RBM19: variants seen among roughly 807,000 people sequenced by gnomAD.
The protein encoded by RBM19 is RNA binding motif protein 19.
RBM19 carries 94 observed loss-of-function variants against 116.8 expected under a neutral mutation model. The ratio of observed to expected loss-of-function variants is 0.80; its 90% CI spans 0.68 to 0.95. RBM19 has a LOEUF of 0.95. Among genes scored for constraint, RBM19 ranks in the 40% least tolerant of loss-of-function variants. RBM19 has a pLI of 0.00. For missense variants in RBM19, 1,161 were observed against 1,220.7 expected (o/e 0.95, Z 0.73); for synonymous variants, 475 against 494.1 (o/e 0.96, Z 0.51).
intron 21 of RBM19, among the ~76,000 whole-genome samples, chr12:113,879,431 T>TTATATATATATATATATATATATATATA (rs5801011): frequency 1.4e-4 from 19 of 132,650 alleles, no homozygotes; most frequent in East Asian, 7.4e-4. Context: ...TACATACATT[T>TTATATATATATATATATATATATATATA]TATATATATA....
downstream of RBM19, among the ~76,000 whole-genome samples, chr12:113,821,222 TG>T: frequency 6.6e-6 from 1 of 152,180 alleles, no homozygotes; most frequent in East Asian, 1.9e-4. Context: ...AATCCTGCTC[TG>T]GGGGGAGGTT....
chr12:113,859,283 T>C (rs1161751276), intron 21 of RBM19, among the ~76,000 whole-genome samples: 1 of 152,232 alleles, frequency 6.6e-6, no homozygotes, highest in East Asian at 1.9e-4. Context: ...GCTGCCCATG[T>C]GTGCTAGTAG....
chr12:113,940,942 A>C (rs1306723438), intron 14 of RBM19, among the ~76,000 whole-genome samples: 1 of 152,238 alleles, frequency 6.6e-6, no homozygotes, highest in Non-Finnish European at 1.5e-5. Flanking sequence ...TAAATGGGTT[A>C]GTAAAAGTAC....
At chr12:113,947,939 C>T (rs1216580108) in intron 10 of RBM19, among the ~76,000 whole-genome samples, 1 of 152,212 alleles carries the variant, frequency 6.6e-6, no homozygotes, top group Non-Finnish European at 1.5e-5. Flanking sequence ...AATATATCGA[C>T]AAATGCTTCT....
intron 23 of RBM19, among the ~76,000 whole-genome samples, chr12:113,836,436 G>A (rs1347770059): frequency 2.0e-5 from 3 of 152,242 alleles, no homozygotes; most frequent in Non-Finnish European, 4.4e-5. Flanking sequence ...AACTTGCAAG[G>A]AAAAATATAA....
At chr12:113,907,414 A>G (rs1191059556) in intron 21 of RBM19, among the ~76,000 whole-genome samples, 1 of 152,166 alleles carries the variant, frequency 6.6e-6, no homozygotes, top group Non-Finnish European at 1.5e-5. Context: ...TGCCAGGGGA[A>G]TAAATCTGCA....
intron 21 of RBM19, among the ~76,000 whole-genome samples, chr12:113,902,328 G>A (rs905096613): frequency 2.0e-5 from 3 of 152,086 alleles, no homozygotes; most frequent in South Asian, 2.1e-4. Context: ...AGAGCTGTGT[G>A]TGGTGGCTCA....
chr12:113,847,342 T>C (rs932541938), intron 22 of RBM19, among the ~76,000 whole-genome samples: 1 of 150,436 alleles, frequency 6.6e-6, no homozygotes. Context: ...TTTCTTTCCT[T>C]TTTTTTTTAA....
In RBM19 at chr12:113,918,858, A is replaced by G. The variant is rs1254173301; in HGVS notation, c.2386-411T>C. Reference sequence around the variant, plus strand: ...GTTGCATCTAAAGCTAGGTTCTAACATTGGTCCCTCAAGGCAGAACTGGTG... The same window carrying G: ...GTTGCATCTAAAGCTAGGTTCTAACGTTGGTCCCTCAAGGCAGAACTGGTG... On this transcript the variant is annotated intron_variant, in intron 19 of 23. Transcript: ENST00000261741. 3.3e-5 allele frequency among the ~76,000 whole-genome samples: 5 copies of G among 152,316 alleles called. No homozygotes were observed. In the East Asian group the frequency reaches 9.7e-4, roughly 29 times the overall value.
intron 16 of RBM19, 71 bp from the exon 17 acceptor site, chr12:113,927,300 G>A (rs1869174812): frequency 6.7e-7 from 1 of 1,486,868 alleles, no homozygotes. Context: ...ACCCACCAGA[G>A]CCCTGGGGCC....
At chr12:113,939,260 G>A (rs540911033) in intron 15 of RBM19, among the ~76,000 whole-genome samples, 8 of 152,126 alleles carry the variant, frequency 5.3e-5, no homozygotes, top group East Asian at 1.9e-4. Context: ...GAACCAAGAT[G>A]GCGCCACTGC....
At chr12:113,882,963 C>T (rs1413007629) in intron 21 of RBM19, among the ~76,000 whole-genome samples, 4 of 152,088 alleles carry the variant, frequency 2.6e-5, no homozygotes, top group African/African-American at 9.7e-5. Flanking sequence ...TTGCTGGCAA[C>T]ATGAAGCCCT....
At chr12:113,846,167 G>A (rs2135720142) in intron 22 of RBM19, among the ~76,000 whole-genome samples, 1 of 152,348 alleles carries the variant, frequency 6.6e-6, no homozygotes, top group Non-Finnish European at 1.5e-5. Context: ...CATTGGCAGT[G>A]GAGAGCAACG....
At chr12:113,843,816 C>T (rs772903313) in intron 23 of RBM19, among the ~76,000 whole-genome samples, 16 of 152,188 alleles carry the variant, frequency 1.1e-4, no homozygotes, top group Non-Finnish European at 1.8e-4. Flanking sequence ...TTGGAGAAGA[C>T]GAGGCCCTGC....
intron 5 of RBM19, 101 bp from the exon 6 acceptor site, chr12:113,958,151 C>T: frequency 6.6e-7 from 1 of 1,509,920 alleles, no homozygotes; most frequent in South Asian, 1.3e-5. Context: ...GCCTGAGGCA[C>T]CATGCCCACC....
At chr12:113,962,549 A>C in intron 1 of RBM19, 135 bp from the exon 2 acceptor site, 1 of 818,202 alleles carries the variant, frequency 1.2e-6, no homozygotes, top group Non-Finnish European at 1.9e-6. Context: ...GTACTTTTCT[A>C]GTTACAACAG....
rs371558746 is a variant in RBM19, at chr12:113,862,942, C to A, written c.2559-4046G>T. Among the ~76,000 whole-genome samples, 56 of 152,288 alleles carry A rather than the reference C, an allele frequency of 3.7e-4. 1 individual carries two copies. The highest frequency in any genetic ancestry group is 1.2e-3 in the African/African-American group (49 of 41,548). ...ATTCACCCTGGGTTCACCAATTACT[C>A]CCCCACCCTGCAGCCCCACCCCCTC... On this transcript the variant is annotated intron_variant, in intron 21 of 23. Transcript: ENST00000261741.
Position 113,903,372 on chromosome 12 carries a change from C to T in RBM19, c.2558+11597G>A, listed in dbSNP as rs1881832092. ...TCCATTCCTATTTATGGCCGAATAA[C>T]ATTCCATTGTATGAATACACCCCAT... On this transcript the variant is annotated intron_variant, in intron 21 of 23. Transcript: ENST00000261741. The surrounding 1 kb of genome is among the most constrained non-coding windows in gnomAD (Gnocchi z 5.1). Among the ~76,000 whole-genome samples, 1 of 152,224 alleles carries T rather than the reference C, an allele frequency of 6.6e-6. No individual in the cohort carries two copies. Among genetic ancestry groups the T allele is most frequent in the African/African-American group, 2.4e-5 (1 of 41,454 alleles).
At chr12:113,831,835 G>C (rs1362135564) in intron 23 of RBM19, among the ~76,000 whole-genome samples, 2 of 152,206 alleles carry the variant, frequency 1.3e-5, no homozygotes, top group East Asian at 3.9e-4. Context: ...CGTGGGGAGT[G>C]GAAGGAAGTA....
Sources: allele counts gnomAD v4.1 joint callset (sites outside exome capture counted in the v4.1 genomes callset), GRCh38; gene constraint gnomAD v4.1.1; non-coding constraint Gnocchi (gnomAD v3.1); transcripts MANE v1.5; gene names NCBI Gene and HGNC (gene_info 2026-07-23, HGNC 2026-07-21).